Variants in NSUN6 observed in about 807,000 individuals in gnomAD.
The protein encoded by NSUN6 is tRNA (cytosine(72)-C(5))-methyltransferase NSUN6.
Under a neutral mutation model 58.0 loss-of-function variants are expected in NSUN6, and 64 were observed. That is an observed-to-expected ratio of 1.10 (90% CI 0.90 to 1.36). The LOEUF is 1.36. Ranked by LOEUF, NSUN6 falls within the 40% of genes most tolerant of loss-of-function variation. NSUN6 has a pLI of 0.00. For synonymous variants in NSUN6, 231 were observed against 193.9 expected (o/e 1.19, Z -1.59); for missense variants, 701 against 550.1 (o/e 1.27, Z -2.74).
At chr10:18,566,373 A>C (rs1289894440) in intron 8 of NSUN6, among the ~76,000 whole-genome samples, 1 of 146,370 alleles carries the variant, frequency 6.8e-6, no homozygotes, top group Non-Finnish European at 1.5e-5. Context: ...TCCACATTCC[A>C]TTCCATTCTC....
At chr10:18,641,357 A>C (rs1052200123) in intron 3 of NSUN6, among the ~76,000 whole-genome samples, 18 of 152,002 alleles carry the variant, frequency 1.2e-4, no homozygotes, top group African/African-American at 4.3e-4. Flanking sequence ...ATACTATGAA[A>C]ACTTATTTTT....
intron 5 of NSUN6, among the ~76,000 whole-genome samples, chr10:18,611,724 GT>G (rs2058244013): frequency 2.6e-5 from 1 of 37,744 alleles, no homozygotes; most frequent in Non-Finnish European, 5.4e-5. Flanking sequence ...TCTCACTATG[GT>G]GTGTGTGTGT....
At position 18,628,989 on chromosome 10, in the gene NSUN6, C is replaced by A. The variant is rs539739504; in HGVS notation, c.312-12696G>T. ...AAGTTGAAATGAAGGAAAAAATGTT[C>A]AGGGCAGCCAGAGAGAAAGGTCGGG... On this transcript the variant is annotated intron_variant, in intron 3 of 10. Transcript: ENST00000377304. Among the ~76,000 whole-genome samples, 868 of 152,140 alleles carry A rather than the reference C, an allele frequency of 5.7e-3. 8 individuals carry two copies. The highest frequency in any genetic ancestry group is 0.017 in the African/African-American group (717 of 41,518).
intron 3 of NSUN6, among the ~76,000 whole-genome samples, chr10:18,624,366 G>C (rs1016847826): frequency 1.3e-5 from 2 of 152,082 alleles, no homozygotes; most frequent in East Asian, 3.9e-4. Context: ...CAGAGCCAAA[G>C]TGACCAAGAC....
At chr10:18,548,356 T>C (rs3817494) in intron 9 of NSUN6, 119 bp from the exon 10 acceptor site, 365,445 of 845,506 alleles carry the variant, frequency 0.43, 82,493 homozygotes, top group East Asian at 0.72. Context: ...TGATGTTCTA[T>C]GTGACAAGGA....
At chr10:18,578,762 C>T (rs572495885) in intron 8 of NSUN6, among the ~76,000 whole-genome samples, 17 of 152,250 alleles carry the variant, frequency 1.1e-4, no homozygotes, top group African/African-American at 3.9e-4. Context: ...ACCTGAAAGC[C>T]CACAAGCTAC....
intron 7 of NSUN6, among the ~76,000 whole-genome samples, chr10:18,592,908 T>A (rs1280987489): frequency 6.6e-6 from 1 of 152,084 alleles, no homozygotes; most frequent in Non-Finnish European, 1.5e-5. Context: ...GAAACTATCA[T>A]TGGAGTGAAC....
intron 3 of NSUN6, among the ~76,000 whole-genome samples, chr10:18,626,102 T>C (rs944517245): frequency 2.0e-5 from 3 of 152,064 alleles, no homozygotes; most frequent in African/African-American, 7.2e-5. Context: ...GCTAAGTGAC[T>C]GTACTCACCA....
chr10:18,647,921 T>G (rs2059595814), intron 2 of NSUN6, among the ~76,000 whole-genome samples: 1 of 152,082 alleles, frequency 6.6e-6, no homozygotes, highest in African/African-American at 2.4e-5. Context: ...TATGTTTTAG[T>G]AGAGACAGGG....
At chr10:18,548,264 C>G (rs772892184) in intron 9 of NSUN6, 27 bp from the exon 10 acceptor site, 2 of 1,599,582 alleles carry the variant, frequency 1.3e-6, no homozygotes, top group African/African-American at 2.7e-5. Context: ...TCAGACCACA[C>G]ACAGCACAAG....
chr10:18,558,717 T>C (rs2055243528), intron 8 of NSUN6, among the ~76,000 whole-genome samples: 1 of 137,550 alleles, frequency 7.3e-6, no homozygotes, highest in Admixed American at 7.4e-5. Flanking sequence ...GAATTGAAAG[T>C]GGAATGAAAT....
chr10:18,650,492 A>C (rs1245516171), intron 1 of NSUN6, among the ~76,000 whole-genome samples: 1 of 152,230 alleles, frequency 6.6e-6, no homozygotes, highest in Non-Finnish European at 1.5e-5. Flanking sequence ...GAAGAGAAAA[A>C]TCTAGGTTAA....
At chr10:18,611,303 T>C (rs1287936198) in intron 5 of NSUN6, among the ~76,000 whole-genome samples, 12 of 152,136 alleles carry the variant, frequency 7.9e-5, no homozygotes, top group Admixed American at 7.9e-4. Context: ...AGATAAAGTC[T>C]TAGAAGCAGT....
At chr10:18,610,326 C>T (rs576265010) in intron 5 of NSUN6, among the ~76,000 whole-genome samples, 21 of 151,832 alleles carry the variant, frequency 1.4e-4, no homozygotes, top group Admixed American at 1.1e-3. Context: ...CCAGCCTGGG[C>T]GTCAAGAGTG....
chr10:18,571,414 TATTCC>T (rs1408156943), intron 8 of NSUN6, among the ~76,000 whole-genome samples: 1 of 150,274 alleles, frequency 6.7e-6, no homozygotes, highest in Non-Finnish European at 1.5e-5. Context: ...TTCCATTCTC[TATTCC>T]ATTCCATTCT....
chr10:18,608,257 T>G (rs1371922654), intron 6 of NSUN6, among the ~76,000 whole-genome samples: 1 of 152,162 alleles, frequency 6.6e-6, no homozygotes, highest in Non-Finnish European at 1.5e-5. Flanking sequence ...AAACTGATTT[T>G]AAGGTGAAGG....
intron 3 of NSUN6, among the ~76,000 whole-genome samples, chr10:18,619,330 C>T (rs1367427791): frequency 6.6e-6 from 1 of 152,212 alleles, no homozygotes; most frequent in Non-Finnish European, 1.5e-5. Flanking sequence ...TACGGCTGCG[C>T]ATTCTCAGAA....
intron 7 of NSUN6, among the ~76,000 whole-genome samples, chr10:18,587,228 C>T (rs1490991632): frequency 1.3e-5 from 2 of 152,196 alleles, no homozygotes. Flanking sequence ...TCTGGAACAA[C>T]ATGAGCTAAT....
intron 8 of NSUN6, among the ~76,000 whole-genome samples, chr10:18,555,971 G>A (rs1408813546): frequency 6.6e-6 from 1 of 150,906 alleles, no homozygotes; most frequent in Non-Finnish European, 1.5e-5. Flanking sequence ...GTATGGAATG[G>A]AGAATTAAAT....
Sources: allele counts gnomAD v4.1 joint callset (sites outside exome capture counted in the v4.1 genomes callset), GRCh38; gene constraint gnomAD v4.1.1; transcripts MANE v1.5; gene names NCBI Gene and HGNC (gene_info 2026-07-23, HGNC 2026-07-21).